The following ODR4 variants were observed in gnomAD, a reference collection of about 807,000 sequenced individuals.
ODR4 encodes odr-4 GPCR localization factor homolog, also known as protein odr-4 homolog.
Under a neutral mutation model 60.2 loss-of-function variants are expected in ODR4, and 47 were observed. That is an observed-to-expected ratio of 0.78 (90% confidence interval 0.62 to 1.00). The LOEUF is 1.00. Among genes scored for constraint, ODR4 ranks in the 50% least tolerant of loss-of-function variants. ODR4 has a pLI of 0.00. For missense variants in ODR4, 488 were observed against 530.8 expected (o/e 0.92, Z 0.79); for synonymous variants, 178 against 175.5 (o/e 1.01, Z -0.11).
the ODR4 span, among the ~76,000 whole-genome samples, chr1:186,431,073 G>C: frequency 1.3e-5 from 2 of 152,114 alleles, no homozygotes; most frequent in Non-Finnish European, 2.9e-5. Flanking sequence ...AAGCACAGGT[G>C]GCTCTTGGCC....
chr1:186,390,738 T>C lies in ODR4; in HGVS notation c.502T>C (p.Tyr168His), dbSNP rs371831284. Residue 168 changes from tyrosine to histidine, a missense_variant, in exon 7 of 14, where the codon TAT becomes CAT. Tyr to His is a moderately conservative substitution (Grantham distance 83, BLOSUM62 2). Transcript: ENST00000287859. Reference protein sequence around the residue: ...KSSARPADWKYQSGLSSSWLS... With the variant: ...KSSARPADWKHQSGLSSSWLS... ...TTCAGCAAGACCAGCAGATTGGAAG[T>C]ATCAAAGTGGATTATCATCCTCATG... is the stretch of plus-strand genomic sequence containing the variant. The C allele has an allele frequency of 1.9e-6, 3 of 1,613,478 alleles. No homozygotes were observed. The African/African-American group carries it at 4.0e-5, about 22-fold the overall frequency.
In ODR4 at chr1:186,399,013, T is replaced by C; in HGVS notation, c.969T>C (p.Asp323=). ...ATCGTTGTGAAATGCTATTTGAGGA[T>C]CTGCTTTTGAATGAAATTCCAGAAA... The part of the protein sequence containing the change: ...VADRCEMLFE[D]LLLNEIPEKK... The change falls in exon 11 of 14, where the codon GAT becomes GAC. Residue 323 remains aspartate (D), a synonymous_variant. Transcript: ENST00000287859. 2 of 1,612,856 alleles carry C rather than the reference T, an allele frequency of 1.2e-6. No individual in the cohort carries two copies. The highest frequency in any genetic ancestry group is 8.5e-7 in the Non-Finnish European group (1 of 1,179,384).
chr1:186,424,024 C>A (rs1661843172), downstream of ODR4, among the ~76,000 whole-genome samples: 1 of 152,212 alleles, frequency 6.6e-6, no homozygotes, highest in Non-Finnish European at 1.5e-5. Context: ...GGCACTATCT[C>A]TTAGAGTTAA....
intron 8 of ODR4, among the ~76,000 whole-genome samples, chr1:186,392,047 C>T (rs988709018): frequency 6.6e-6 from 1 of 152,128 alleles, no homozygotes; most frequent in Non-Finnish European, 1.5e-5. Context: ...CTCAGCATTA[C>T]TATCGGTAGA....
At chr1:186,379,661 G>A in intron 1 of ODR4, 106 bp from the exon 2 acceptor site, 1 of 595,374 alleles carries the variant, frequency 1.7e-6, no homozygotes, top group African/African-American at 1.9e-5. Flanking sequence ...CAAGGCATGA[G>A]ATAGCCTCAG....
chr1:186,432,272 A>T, the ODR4 span, among the ~76,000 whole-genome samples: 1 of 152,150 alleles, frequency 6.6e-6, no homozygotes, highest in Non-Finnish European at 1.5e-5. Flanking sequence ...ACACTGTTGG[A>T]TTTGACTTGC....
intron 11 of ODR4, among the ~76,000 whole-genome samples, chr1:186,402,080 T>C (rs1411982104): frequency 6.6e-6 from 1 of 152,038 alleles, no homozygotes; most frequent in South Asian, 2.1e-4. Flanking sequence ...CTTTTCTCTC[T>C]CTCTCTTTTT....
chr1:186,408,510 CA>C (rs1661253136), intron 12 of ODR4, among the ~76,000 whole-genome samples: 1 of 149,176 alleles, frequency 6.7e-6, no homozygotes, highest in Non-Finnish European at 1.5e-5. Flanking sequence ...AACATATAAA[CA>C]ATATATAATG....
At chr1:186,430,858 CT>C in the ODR4 span, among the ~76,000 whole-genome samples, 44,837 of 144,276 alleles carry the variant, frequency 0.31, 6,434 homozygotes, top group Non-Finnish European at 0.34. Flanking sequence ...CCCTCCCTCC[CT>C]TTTTTTTTTT....
chr1:186,423,418 G>A (rs1661830126), downstream of ODR4, among the ~76,000 whole-genome samples: 1 of 144,660 alleles, frequency 6.9e-6, no homozygotes, highest in Non-Finnish European at 1.5e-5. Flanking sequence ...GAACACAAGG[G>A]TGGCTATTAT....
the ODR4 span, among the ~76,000 whole-genome samples, chr1:186,432,727 A>G: frequency 6.6e-6 from 1 of 151,226 alleles, no homozygotes; most frequent in African/African-American, 2.4e-5. Flanking sequence ...AATTTTTTTA[A>G]TGTTGTTTAT....
At chr1:186,416,168 G>T (rs1661557465) in intron 12 of ODR4, among the ~76,000 whole-genome samples, 1 of 152,104 alleles carries the variant, frequency 6.6e-6, no homozygotes. Context: ...CCCATGTACT[G>T]CAACGTGCTG....
intron 8 of ODR4, 43 bp downstream of exon 8, chr1:186,391,834 A>C: frequency 1.7e-6 from 2 of 1,210,982 alleles, no homozygotes; most frequent in Non-Finnish European, 2.4e-6. Context: ...TTAGTGCTTA[A>C]GGAAAAATAA....
At chr1:186,391,327 T>C (rs533798468) in intron 7 of ODR4, among the ~76,000 whole-genome samples, 2 of 142,306 alleles carry the variant, frequency 1.4e-5, no homozygotes, top group East Asian at 4.2e-4. Flanking sequence ...ATTTTTCCCA[T>C]TGAAGATGTC....
At chr1:186,416,348 C>T (rs1028141581) in intron 12 of ODR4, among the ~76,000 whole-genome samples, 1 of 151,906 alleles carries the variant, frequency 6.6e-6, no homozygotes, top group African/African-American at 2.4e-5. Flanking sequence ...CCAGCCTGGC[C>T]AACATGGTGA....
intron 3 of ODR4, among the ~76,000 whole-genome samples, chr1:186,384,991 G>A (rs1660199036): frequency 6.6e-6 from 1 of 151,772 alleles, no homozygotes; most frequent in East Asian, 1.9e-4. Context: ...AATCCATGTG[G>A]TATTAAGAAC....
chr1:186,379,972 G>A (rs1443399521), intron 2 of ODR4, 88 bp downstream of exon 2: 1 of 755,770 alleles, frequency 1.3e-6, no homozygotes, highest in African/African-American at 1.8e-5. Flanking sequence ...GTTAAAAGAT[G>A]CTATTTAATA....
chr1:186,422,624 T>A (rs56158125), downstream of ODR4, among the ~76,000 whole-genome samples: 6,938 of 152,238 alleles, frequency 0.046, 510 homozygotes, highest in African/African-American at 0.16. Context: ...TAATTTTTTT[T>A]AAATATTACA....
chr1:186,396,756 G>GATAC (rs1482593400), intron 9 of ODR4, among the ~76,000 whole-genome samples: 1 of 151,342 alleles, frequency 6.6e-6, no homozygotes, highest in Non-Finnish European at 1.5e-5. Context: ...TAGATAGATA[G>GATAC]ATATATGTAT....
Sources: allele counts gnomAD v4.1 joint callset (sites outside exome capture counted in the v4.1 genomes callset), GRCh38; gene constraint gnomAD v4.1.1; transcripts MANE v1.5; gene names NCBI Gene and HGNC (gene_info 2026-07-23, HGNC 2026-07-21).